IGSF11: variants seen among roughly 807,000 people sequenced by gnomAD.
The protein encoded by IGSF11 is CXADR like 1.
In IGSF11, 22 loss-of-function variants were observed where a neutral mutation model predicts 41.0. That is an observed-to-expected ratio of 0.54 (90% CI 0.38 to 0.77). IGSF11 has a LOEUF of 0.77. Among genes scored for constraint, IGSF11 ranks in the 30% least tolerant of loss-of-function variants. IGSF11 has a pLI of 0.00. For missense variants in IGSF11, 444 were observed against 530.8 expected, an observed-to-expected ratio of 0.84 and a Z score of 1.61; for synonymous variants, 219 against 201.3, an observed-to-expected ratio of 1.09 and a Z score of -0.74.
At position 119,081,276 on chromosome 3, in the gene IGSF11, T is replaced by C. The variant is rs575100108; in HGVS notation, c.49+23868A>G. Among the ~76,000 whole-genome samples the C allele has an allele frequency of 2.0e-5, 3 of 152,290 alleles. No individual in the cohort carries two copies. In the South Asian group the frequency reaches 6.2e-4, roughly 32 times the overall value. Reference sequence around the variant, plus strand: ...TTCTATTTTTGTCTCTATCTTTCCATCTGCCTTGCTTCTCCTCATAATCTT... The same window carrying C: ...TTCTATTTTTGTCTCTATCTTTCCACCTGCCTTGCTTCTCCTCATAATCTT... On this transcript the variant is annotated intron_variant, in intron 1 of 6. Coordinates refer to the IGSF11 transcript ENST00000354673.
intron 1 of IGSF11, among the ~76,000 whole-genome samples, chr3:119,049,933 A>C: frequency 6.8e-6 from 1 of 147,312 alleles, no homozygotes; most frequent in Non-Finnish European, 1.5e-5. Flanking sequence ...TGCTGGGAAA[A>C]CTGGCTAGCC....
intron 4 of IGSF11, among the ~76,000 whole-genome samples, chr3:118,911,575 T>G (rs1940304264): frequency 6.6e-6 from 1 of 151,934 alleles, no homozygotes; most frequent in Non-Finnish European, 1.5e-5. Flanking sequence ...GAGGTTACAG[T>G]AAGCTGTCAT....
At chr3:118,972,462 C>T (rs1035349941) in intron 1 of IGSF11, among the ~76,000 whole-genome samples, 1 of 152,172 alleles carries the variant, frequency 6.6e-6, no homozygotes, top group African/African-American at 2.4e-5. Flanking sequence ...GGCTAAACTG[C>T]AGGTTCCGTA....
Position 119,090,455 on chromosome 3 carries a change from A to C in IGSF11, c.49+14689T>G, listed in dbSNP as rs929592588. ...AGTCCTAAGCAAAAAGAACAAAGTT[A>C]AGGCATCACACTACCTGACTTCAAA... On this transcript the variant is annotated intron_variant, in intron 1 of 6. Transcript: ENST00000354673. Among the ~76,000 whole-genome samples, 5 of 152,254 alleles carry C rather than the reference A, an allele frequency of 3.3e-5. 1 individual carries two copies. Among genetic ancestry groups the C allele is most frequent in the East Asian group, 3.9e-4 (2 of 5,190 alleles).
intron 4 of IGSF11, among the ~76,000 whole-genome samples, chr3:118,914,503 C>G (rs1041327733): frequency 1.1e-4 from 17 of 151,634 alleles, no homozygotes; most frequent in Non-Finnish European, 2.1e-4. Flanking sequence ...ACGGACGCAC[C>G]TGGAAAATCG....
At chr3:119,006,136 C>T (rs1937477282) in intron 1 of IGSF11, among the ~76,000 whole-genome samples, 1 of 120,260 alleles carries the variant, frequency 8.3e-6, no homozygotes, top group African/African-American at 4.2e-5. Context: ...CACATAGTCC[C>T]ATATTTCTTG....
At chr3:119,018,295 T>C (rs141574286) in intron 1 of IGSF11, among the ~76,000 whole-genome samples, 107 of 152,328 alleles carry the variant, frequency 7.0e-4, no homozygotes, top group African/African-American at 2.2e-3. Flanking sequence ...TGCTCACCTA[T>C]ACTTTACAGT....
chr3:119,015,204 C>G (rs184134649), intron 1 of IGSF11, among the ~76,000 whole-genome samples: 1 of 152,294 alleles, frequency 6.6e-6, no homozygotes, highest in African/African-American at 2.4e-5. Flanking sequence ...TTCCTAAATA[C>G]CTTCCCTCTG....
chr3:119,023,607 T>C (rs913149560), intron 1 of IGSF11, among the ~76,000 whole-genome samples: 1 of 152,150 alleles, frequency 6.6e-6, no homozygotes, highest in Non-Finnish European at 1.5e-5. Context: ...CTAAGTGCAT[T>C]TGTCTAATTA....
intron 3 of IGSF11, among the ~76,000 whole-genome samples, chr3:118,927,074 T>C (rs1942385810): frequency 6.6e-6 from 1 of 151,486 alleles, no homozygotes; most frequent in Non-Finnish European, 1.5e-5. Flanking sequence ...ATGCAGAGTA[T>C]ACACAGGAAT....
At position 119,128,481 on chromosome 3, in the gene IGSF11, T is replaced by C. The variant is rs571522475; in HGVS notation, c.-14+17332A>G. 2.8e-4 allele frequency among the ~76,000 whole-genome samples: 42 copies of C among 152,232 alleles called. 1 individual carries two copies. In the South Asian group the frequency reaches 8.5e-3, roughly 31 times the overall value. On this transcript the variant is annotated intron_variant, in intron 1 of 7. Coordinates refer to the IGSF11 transcript ENST00000425327. Reference sequence around the variant, plus strand: ...CTGGCAAAAAAGGAGTCAAGACCCATTGGCGTGCTGTATTCAGGAGAAGCA... The same window carrying C: ...CTGGCAAAAAAGGAGTCAAGACCCACTGGCGTGCTGTATTCAGGAGAAGCA...
rs376665292 is a variant in IGSF11, at chr3:118,917,203, A to C, written c.580+8898T>G. Among the ~76,000 whole-genome samples, 9 of 145,878 alleles carry C rather than the reference A, an allele frequency of 6.2e-5. No homozygotes were observed. The South Asian group carries it at 6.8e-4, about 11-fold the overall frequency. On this transcript the variant is annotated intron_variant, in intron 4 of 6. Transcript: ENST00000393775. ...TAACATCACAATTAAAAGAACTAGA[A>C]AAGCAAGAGCAAACACATTCAAAAG...
chr3:118,933,758 T>C (rs1367539081), intron 1 of IGSF11, among the ~76,000 whole-genome samples: 1 of 152,124 alleles, frequency 6.6e-6, no homozygotes, highest in African/African-American at 2.4e-5. Context: ...CAATATTATA[T>C]GATGACAAAC....
intron 1 of IGSF11, among the ~76,000 whole-genome samples, chr3:119,128,342 T>TGA (rs57812190): frequency 0.086 from 12,032 of 140,406 alleles, 637 homozygotes; most frequent in Admixed American, 0.17. Flanking sequence ...TGGGTGAGAG[T>TGA]GAGAAAGAAA....
chr3:118,944,427 A>T (rs1559937566), intron 1 of IGSF11, among the ~76,000 whole-genome samples: 1 of 149,524 alleles, frequency 6.7e-6, no homozygotes, highest in Non-Finnish European at 1.5e-5. Flanking sequence ...CCCATCTAAG[A>T]TTTATGTGGT....
chr3:118,988,901 T>C (rs907103364), intron 1 of IGSF11, among the ~76,000 whole-genome samples: 8 of 152,190 alleles, frequency 5.3e-5, no homozygotes, highest in African/African-American at 1.7e-4. Context: ...ATATCTCTAC[T>C]TCAGACTGAG....
chr3:118,999,136 C>A (rs1936559994), intron 1 of IGSF11, among the ~76,000 whole-genome samples: 1 of 151,750 alleles, frequency 6.6e-6, no homozygotes, highest in South Asian at 2.1e-4. Context: ...AATACTAATG[C>A]CCTGTGGGGA....
intron 1 of IGSF11, among the ~76,000 whole-genome samples, chr3:119,116,928 G>A (rs1187625368): frequency 6.6e-6 from 1 of 151,880 alleles, no homozygotes; most frequent in Non-Finnish European, 1.5e-5. Flanking sequence ...TGACCCCCAT[G>A]ATTTCATCTC....
chr3:119,084,016 G>A (rs1254337819), intron 1 of IGSF11, among the ~76,000 whole-genome samples: 1 of 152,126 alleles, frequency 6.6e-6, no homozygotes, highest in African/African-American at 2.4e-5. Flanking sequence ...GGAAGACAGT[G>A]ATACTGATGA....
Sources: gnomAD v4.1 joint callset for allele counts (sites outside exome capture counted in the v4.1 genomes callset) on GRCh38, gnomAD v4.1.1 for gene constraint, MANE v1.5 for transcripts, NCBI Gene and HGNC (gene_info 2026-07-23, HGNC 2026-07-21) for gene names.